Variants in RBFOX1 observed in about 807,000 individuals in gnomAD.
The protein encoded by RBFOX1 is RNA binding protein fox-1 homolog 1.
In RBFOX1, 8 loss-of-function variants were observed where a neutral mutation model predicts 57.7. That is an observed-to-expected ratio of 0.14 (90% confidence interval 0.08 to 0.25). The LOEUF (loss-of-function observed/expected upper bound fraction) is 0.25. RBFOX1 is among the 10% of genes least tolerant of loss of function. RBFOX1 has a pLI of 1.00. For synonymous variants in RBFOX1, 326 were observed against 222.4 expected (o/e 1.47, Z -4.15); for missense variants, 611 against 548.5 (o/e 1.11, Z -1.14).
At chr16:6,275,360 G>A (rs80319865) in intron 1 of RBFOX1, among the ~76,000 whole-genome samples, 2 of 152,024 alleles carry the variant, frequency 1.3e-5, no homozygotes, top group Admixed American at 1.3e-4. Context: ...CTTTCAATCA[G>A]CAAACATTTA....
chr16:6,832,341 A>G (rs2092766449), intron 3 of RBFOX1, among the ~76,000 whole-genome samples: 1 of 152,152 alleles, frequency 6.6e-6, no homozygotes, highest in African/African-American at 2.4e-5. Context: ...GTGGTTACAG[A>G]GTGTTCTAAA....
intron 4 of RBFOX1, among the ~76,000 whole-genome samples, chr16:5,956,639 A>AATATATATATATATATATTTATATAT (rs2059644248): frequency 8.1e-6 from 1 of 123,566 alleles, no homozygotes; most frequent in African/African-American, 3.0e-5. Context: ...GCAAAAAACA[A>AATATATATATATATATATTTATATAT]ATATATATAT....
chr16:6,735,505 T>G (rs909292833), intron 3 of RBFOX1, among the ~76,000 whole-genome samples: 1 of 152,222 alleles, frequency 6.6e-6, no homozygotes, highest in African/African-American at 2.4e-5. Flanking sequence ...AGTTATTTAT[T>G]TGGAGACGTT....
intron 5 of RBFOX1, among the ~76,000 whole-genome samples, chr16:7,570,766 G>A (rs7203036): frequency 0.39 from 58,878 of 151,752 alleles, 11,760 homozygotes; most frequent in South Asian, 0.53. Flanking sequence ...AAATCATTCT[G>A]TTACAGACAC....
intron 4 of RBFOX1, among the ~76,000 whole-genome samples, chr16:7,391,365 C>T (rs1052281818): frequency 3.9e-5 from 6 of 152,162 alleles, no homozygotes; most frequent in Admixed American, 3.9e-4. Context: ...CCAAGATCTC[C>T]AAGGATACCA....
intron 4 of RBFOX1, among the ~76,000 whole-genome samples, chr16:7,108,904 G>A (rs149497326): frequency 6.2e-4 from 95 of 152,250 alleles, no homozygotes; most frequent in African/African-American, 2.1e-3. Context: ...GAAGGAGGTT[G>A]GTTTGTCTGT....
At position 6,817,911 on chromosome 16, in the gene RBFOX1, C is replaced by A. The variant is rs1211782616; in HGVS notation, c.-16+163261C>A. ...CTTGCCTCATACCCTGTTCCTGGGC[C>A]ATTGCCCAAAAATCTACTGTGTCTC... On this transcript the variant is annotated intron_variant, in intron 3 of 15. Coordinates refer to ENST00000550418, the MANE Select transcript of RBFOX1 (RefSeq NM_018723.4). 4.6e-5 allele frequency among the ~76,000 whole-genome samples: 7 copies of A among 152,106 alleles called. 1 individual carries two copies. Among genetic ancestry groups the A allele is most frequent in the Admixed American group, 3.9e-4 (6 of 15,268 alleles).
intron 3 of RBFOX1, among the ~76,000 whole-genome samples, chr16:7,010,710 C>G (rs141228333): frequency 8.5e-5 from 13 of 152,160 alleles, no homozygotes; most frequent in African/African-American, 2.6e-4. Context: ...ATTACACTTG[C>G]ATGCCACCAC....
At chr16:5,806,781 C>G (rs1334299462) in intron 3 of RBFOX1, among the ~76,000 whole-genome samples, 1 of 152,222 alleles carries the variant, frequency 6.6e-6, no homozygotes, top group Non-Finnish European at 1.5e-5. Flanking sequence ...ACAGAGGTGA[C>G]TGCAGGATCA....
At chr16:7,245,825 C>T (rs989648131) in intron 4 of RBFOX1, among the ~76,000 whole-genome samples, 3 of 152,194 alleles carry the variant, frequency 2.0e-5, no homozygotes, top group African/African-American at 7.2e-5. Flanking sequence ...TACACTCATG[C>T]AACTCTTCAC....
chr16:6,788,413 G>C (rs929690429), intron 3 of RBFOX1, among the ~76,000 whole-genome samples: 1 of 151,046 alleles, frequency 6.6e-6, no homozygotes, highest in Non-Finnish European at 1.5e-5. Context: ...TCTGAAAATA[G>C]TCAGCCTGCT....
chr16:7,105,451 A>G (rs1437585941), intron 4 of RBFOX1, among the ~76,000 whole-genome samples: 2 of 152,030 alleles, frequency 1.3e-5, no homozygotes, highest in Non-Finnish European at 2.9e-5. Flanking sequence ...CACTGCACCC[A>G]ATTTGTAGTC....
rs116103313 is a variant in RBFOX1 at position 5,456,275 on chromosome 16, A to G, written c.220-10941A>G. On this transcript the variant is annotated intron_variant, in intron 1 of 2. Coordinates refer to the RBFOX1 transcript ENST00000585867. ...GAACGTGCTATACTTCATTTAACCAATCCTCAAATGTTGGATATTTATTTC... is the reference window on the plus strand; with the variant it reads ...GAACGTGCTATACTTCATTTAACCAGTCCTCAAATGTTGGATATTTATTTC... Among the ~76,000 whole-genome samples, 449 of 152,270 alleles carry G rather than the reference A, an allele frequency of 2.9e-3. 4 individuals are homozygous for G. The highest frequency in any genetic ancestry group is 0.01 in the African/African-American group (434 of 41,556).
intron 4 of RBFOX1, among the ~76,000 whole-genome samples, chr16:7,131,649 G>C (rs1199509728): frequency 6.6e-6 from 1 of 151,672 alleles, no homozygotes; most frequent in Non-Finnish European, 1.5e-5. Flanking sequence ...AGATGAGATA[G>C]GCAGAGCTTC....
intron 4 of RBFOX1, among the ~76,000 whole-genome samples, chr16:7,171,481 G>A (rs1316611202): frequency 1.3e-5 from 2 of 152,204 alleles, no homozygotes; most frequent in Non-Finnish European, 2.9e-5. Flanking sequence ...CAGGATTATA[G>A]AAAGAGATTT....
At chr16:5,767,645 G>C (rs1371778028) in intron 3 of RBFOX1, among the ~76,000 whole-genome samples, 1 of 151,942 alleles carries the variant, frequency 6.6e-6, no homozygotes, top group African/African-American at 2.4e-5. Flanking sequence ...GGACATTCTT[G>C]ATGTCTTCCC....
chr16:7,319,349 G>A (rs1045716411), intron 4 of RBFOX1, among the ~76,000 whole-genome samples: 11 of 152,190 alleles, frequency 7.2e-5, no homozygotes, highest in Non-Finnish European at 1.2e-4. Flanking sequence ...ATAGGTGGGC[G>A]TGTAGAAAAA....
intron 4 of RBFOX1, among the ~76,000 whole-genome samples, chr16:7,330,706 G>T (rs1421341373): frequency 1.3e-5 from 2 of 151,964 alleles, no homozygotes; most frequent in East Asian, 1.9e-4. Context: ...TAAATTTGTT[G>T]CCTGAATGAT....
chr16:6,501,953 G>C (rs1271232307), intron 2 of RBFOX1, among the ~76,000 whole-genome samples: 1 of 152,156 alleles, frequency 6.6e-6, no homozygotes, highest in Non-Finnish European at 1.5e-5. Context: ...GAACAAAATA[G>C]ATAAGATTTC....
Sources: gnomAD v4.1 joint callset for allele counts (sites outside exome capture counted in the v4.1 genomes callset) on GRCh38, gnomAD v4.1.1 for gene constraint, MANE v1.5 for transcripts, NCBI Gene and HGNC (gene_info 2026-07-23, HGNC 2026-07-21) for gene names.